The following CDIN1 variants were observed in gnomAD, a reference collection of about 807,000 sequenced individuals.
CDIN1 encodes the protein CDAN1 interacting nuclease 1, also known as CDAN1-interacting nuclease 1.
In CDIN1, 33 loss-of-function variants were observed where a neutral mutation model predicts 45.3. The ratio of observed to expected loss-of-function variants is 0.73; its 90% CI spans 0.55 to 0.97. CDIN1 has a LOEUF of 0.97. CDIN1 is among the 50% of genes least tolerant of loss of function. The pLI, the probability that CDIN1 is intolerant of heterozygous loss-of-function variation, is 0.00. For missense variants in CDIN1, 303 were observed against 339.4 expected (o/e 0.89, Z 0.84); for synonymous variants, 118 against 124.4 (o/e 0.95, Z 0.34).
chr15:36,594,102 T>C (rs766495894), intron 1 of CDIN1, among the ~76,000 whole-genome samples: 7 of 152,204 alleles, frequency 4.6e-5, no homozygotes, highest in Non-Finnish European at 1.0e-4. Flanking sequence ...AGTAATGAAT[T>C]GGGCAAGACA....
intron 10 of CDIN1, among the ~76,000 whole-genome samples, chr15:36,728,665 A>G (rs904656879): frequency 6.6e-6 from 1 of 151,850 alleles, no homozygotes; most frequent in African/African-American, 2.4e-5. Flanking sequence ...TAAGCCTTAA[A>G]ATGTGAAAAA....
At chr15:36,612,052 G>A (rs1289335076) in intron 1 of CDIN1, among the ~76,000 whole-genome samples, 2 of 152,196 alleles carry the variant, frequency 1.3e-5, no homozygotes, top group Non-Finnish European at 2.9e-5. Context: ...TTCCCCAGGT[G>A]TCTGTTTTCT....
intron 5 of CDIN1, among the ~76,000 whole-genome samples, chr15:36,678,248 T>G (rs2041720506): frequency 6.6e-6 from 1 of 152,168 alleles, no homozygotes; most frequent in African/African-American, 2.4e-5. Context: ...CAAGGGCAAG[T>G]AGGCTCCTGC....
chr15:36,580,382 A>G (rs183756102), intron 1 of CDIN1, among the ~76,000 whole-genome samples: 5 of 152,320 alleles, frequency 3.3e-5, no homozygotes, highest in Admixed American at 3.3e-4. Context: ...ACAAGGGAGC[A>G]TAGAGGTAAA....
chr15:36,586,357 A>G (rs953105801), intron 1 of CDIN1, among the ~76,000 whole-genome samples: 5 of 152,104 alleles, frequency 3.3e-5, no homozygotes, highest in Admixed American at 3.3e-4. Flanking sequence ...TGAAGCAGTT[A>G]TTACTGGTAT....
intron 10 of CDIN1, among the ~76,000 whole-genome samples, chr15:36,763,110 C>T (rs187385719): frequency 4.1e-4 from 63 of 152,332 alleles, no homozygotes; most frequent in African/African-American, 1.4e-3. Flanking sequence ...GTCCCATCAA[C>T]AGTGTAAAAG....
At chr15:36,754,230 T>G (rs1311641810) in intron 10 of CDIN1, among the ~76,000 whole-genome samples, 1 of 152,088 alleles carries the variant, frequency 6.6e-6, no homozygotes, top group Non-Finnish European at 1.5e-5. Flanking sequence ...ATTTCTGGAT[T>G]TTTAGAATAG....
At chr15:36,619,673 TGAG>T (rs1438477505) in intron 1 of CDIN1, among the ~76,000 whole-genome samples, 1 of 151,802 alleles carries the variant, frequency 6.6e-6, no homozygotes, top group African/African-American at 2.4e-5. Flanking sequence ...GTATAGGAGA[TGAG>T]GGAGTGAGAG....
chr15:36,665,698 C>G (rs572238968), intron 5 of CDIN1, among the ~76,000 whole-genome samples: 58 of 152,236 alleles, frequency 3.8e-4, no homozygotes, highest in African/African-American at 1.2e-3. Context: ...CCCACCACCA[C>G]TGGAGCTTTT....
rs921612924 is a variant in CDIN1 at position 36,757,916 on chromosome 15, G to A, written c.716+47955G>A. Among the ~76,000 whole-genome samples the A allele has an allele frequency of 8.5e-5, 13 of 152,236 alleles. No homozygotes were observed. The South Asian group carries it at 2.3e-3, about 27-fold the overall frequency. ...ATAAGATAGTTTTGAGAAAGAGAGA[G>A]AGACCACATTCATGTAACTTTTATT... On this transcript the variant is annotated intron_variant, in intron 10 of 10. Transcript: ENST00000566621.
intron 4 of CDIN1, 91 bp downstream of exon 4, chr15:36,654,249 GAA>G: frequency 1.1e-6 from 1 of 940,632 alleles, no homozygotes; most frequent in South Asian, 1.7e-5. Context: ...ACTACCTTTG[GAA>G]AAAAAAAGGA....
chr15:36,600,228 A>C (rs1595725669), intron 1 of CDIN1, among the ~76,000 whole-genome samples: 1 of 152,180 alleles, frequency 6.6e-6, no homozygotes, highest in Non-Finnish European at 1.5e-5. Context: ...TAGAGAGAAA[A>C]ACTGGCAGAT....
chr15:36,608,335 T>G (rs2038477844), intron 1 of CDIN1, among the ~76,000 whole-genome samples: 1 of 152,200 alleles, frequency 6.6e-6, no homozygotes, highest in Admixed American at 6.5e-5. Context: ...CAATAACACT[T>G]GTGTATTGTG....
intron 3 of CDIN1, among the ~76,000 whole-genome samples, chr15:36,648,162 ATGAT>A (rs1399097034): frequency 6.6e-6 from 1 of 152,044 alleles, no homozygotes; most frequent in Non-Finnish European, 1.5e-5. Context: ...AAAGGAATGA[ATGAT>A]TGCCCATAAT....
At chr15:36,604,807 A>C (rs1216661287) in intron 1 of CDIN1, among the ~76,000 whole-genome samples, 2 of 152,216 alleles carry the variant, frequency 1.3e-5, no homozygotes, top group African/African-American at 4.8e-5. Flanking sequence ...TTTGCCTAAT[A>C]GATTTACCAA....
chr15:36,797,180 CA>C (rs1340915692), intron 10 of CDIN1, among the ~76,000 whole-genome samples: 1 of 152,174 alleles, frequency 6.6e-6, no homozygotes, highest in East Asian at 1.9e-4. Context: ...ATCCATGTGT[CA>C]TATACAAATA....
At chr15:36,636,955 G>A (rs2039923886) in intron 1 of CDIN1, among the ~76,000 whole-genome samples, 1 of 152,188 alleles carries the variant, frequency 6.6e-6, no homozygotes, top group Admixed American at 6.5e-5. Flanking sequence ...CAAGAATGGA[G>A]AGAAACATTA....
chr15:36,723,358 A>G lies in CDIN1; in HGVS notation c.716+13397A>G, dbSNP rs546462904. ...CATCAACTCATATAAATAGGAGGCT[A>G]TTTTAGTCATCTTTGATAACCAGCT... On this transcript the variant is annotated intron_variant, in intron 10 of 10. Coordinates refer to ENST00000566621, the MANE Select transcript of CDIN1 (RefSeq NM_001321759.2). Among the ~76,000 whole-genome samples the G allele has an allele frequency of 2.6e-5, 4 of 152,152 alleles. No homozygotes were observed. The South Asian group carries it at 8.3e-4, about 32-fold the overall frequency.
chr15:36,581,974 A>C (rs1174369525), intron 1 of CDIN1, among the ~76,000 whole-genome samples: 4 of 152,210 alleles, frequency 2.6e-5, no homozygotes, highest in Non-Finnish European at 5.9e-5. Flanking sequence ...ATACAATATC[A>C]AAAAATTACA....
Sources: allele counts gnomAD v4.1 joint callset (sites outside exome capture counted in the v4.1 genomes callset), GRCh38; gene constraint gnomAD v4.1.1; transcripts MANE v1.5; gene names NCBI Gene and HGNC (gene_info 2026-07-23, HGNC 2026-07-21).